VPS13A: variants seen among roughly 807,000 people sequenced by gnomAD.
The protein encoded by VPS13A is vacuolar protein sorting 13 homolog A.
A neutral mutation model predicts 390.9 loss-of-function variants in VPS13A; 264 were observed. The ratio of observed to expected loss-of-function variants is 0.68; its 90% CI spans 0.61 to 0.75. The LOEUF is 0.75. VPS13A is among the 30% of genes least tolerant of loss of function. The probability of loss-of-function intolerance (pLI) is 0.00; values close to 1 mark genes in which losing one functional copy is unlikely to be tolerated. For synonymous variants in VPS13A, 1,231 were observed against 1,227.1 expected (o/e 1.00, Z -0.07); for missense variants, 3,409 against 3,733.9 (o/e 0.91, Z 2.27).
At chr9:77,232,725 A>G (rs1823906441) in intron 17 of VPS13A, among the ~76,000 whole-genome samples, 1 of 152,158 alleles carries the variant, frequency 6.6e-6, no homozygotes, top group Non-Finnish European at 1.5e-5. Context: ...TTATAAAACC[A>G]TCAGACCTCA....
chr9:77,388,644 A>G (rs965907544), intron 68 of VPS13A, among the ~76,000 whole-genome samples: 14 of 152,286 alleles, frequency 9.2e-5, no homozygotes, highest in African/African-American at 3.1e-4. Flanking sequence ...GTATTATGCT[A>G]TTCTTCTGGA....
intron 19 of VPS13A, among the ~76,000 whole-genome samples, chr9:77,244,589 C>G (rs1339465098): frequency 6.6e-6 from 1 of 152,130 alleles, no homozygotes; most frequent in Admixed American, 6.5e-5. Context: ...GAGAAAGGCA[C>G]AGTGTTACAG....
chr9:77,341,575 C>T (rs535660169), intron 50 of VPS13A, among the ~76,000 whole-genome samples: 84 of 151,862 alleles, frequency 5.5e-4, no homozygotes, highest in African/African-American at 1.9e-3. Context: ...CCATCTAAGC[C>T]GTTAAATCAG....
Position 77,214,310 on chromosome 9 carries a change from G to A in VPS13A, c.697-19G>A, listed in dbSNP as rs763821247. ...CATATTGGCATGAATATAAATAAAA[G>A]CAATTTGTCTTTTAATAGGACGACT... On this transcript the variant is annotated intron_variant, in intron 9 of 71. Coordinates refer to ENST00000360280, the MANE Select transcript of VPS13A (RefSeq NM_033305.3). The A allele has an allele frequency of 6.2e-7, 1 of 1,606,696 alleles. No individual in the cohort carries two copies.
At chr9:77,379,875 A>T (rs1310350350) in intron 67 of VPS13A, among the ~76,000 whole-genome samples, 3 of 152,128 alleles carry the variant, frequency 2.0e-5, no homozygotes, top group Non-Finnish European at 4.4e-5. Flanking sequence ...AGTGGATTAT[A>T]GTGTTATTCA....
At chr9:77,280,107 A>G in intron 26 of VPS13A, 52 bp from the exon 27 acceptor site, 1 of 1,384,650 alleles carries the variant, frequency 7.2e-7, no homozygotes, top group Non-Finnish European at 1.0e-6. Context: ...GCTTGCATTT[A>G]TTTTCAGTTA....
At chr9:77,317,889 A>G (rs949856655) in intron 40 of VPS13A, among the ~76,000 whole-genome samples, 191 bp downstream of exon 40, 1 of 151,924 alleles carries the variant, frequency 6.6e-6, no homozygotes, top group African/African-American at 2.4e-5. Context: ...TCTATATTTT[A>G]TTATTTACAT....
chr9:77,251,476 T>C (rs960532597), intron 21 of VPS13A, among the ~76,000 whole-genome samples: 1 of 152,188 alleles, frequency 6.6e-6, no homozygotes, highest in Non-Finnish European at 1.5e-5. Context: ...ACACTATTGA[T>C]ATTTTGTTGC....
intron 68 of VPS13A, among the ~76,000 whole-genome samples, chr9:77,402,038 T>C (rs1475736311): frequency 6.6e-6 from 1 of 152,196 alleles, no homozygotes; most frequent in Non-Finnish European, 1.5e-5. Context: ...CATATCCCCC[T>C]GCAGATAAGG....
chr9:77,206,370 G>T (rs1825644143), intron 5 of VPS13A, among the ~76,000 whole-genome samples: 2 of 149,506 alleles, frequency 1.3e-5, no homozygotes, highest in Admixed American at 6.7e-5. Flanking sequence ...TACATACTAG[G>T]TAAGGTCAGT....
chr9:77,296,279 G>A (rs1338259257), intron 33 of VPS13A, among the ~76,000 whole-genome samples: 6 of 152,224 alleles, frequency 3.9e-5, no homozygotes, highest in Admixed American at 3.3e-4. Flanking sequence ...AACCTTATTC[G>A]TTAACCTGTA....
intron 52 of VPS13A, among the ~76,000 whole-genome samples, chr9:77,349,647 GTTTA>G (rs1441689180): frequency 6.6e-6 from 1 of 151,550 alleles, no homozygotes; most frequent in Non-Finnish European, 1.5e-5. Flanking sequence ...TTTTGTTGTT[GTTTA>G]TTTGTTTTTT....
rs1825881585 is a variant in VPS13A, at chr9:77,263,718, T to C, written c.2427+3494T>C. ...GTTGCCTGCTCACTCTGATGATAAT[T>C]TCTTTTGCTGTGCAGAAGCTCATTA... On this transcript the variant is annotated intron_variant, in intron 23 of 71. Transcript: ENST00000360280. Among the ~76,000 whole-genome samples, 6 of 152,232 alleles carry C rather than the reference T, an allele frequency of 3.9e-5. No homozygotes were observed. In the South Asian group the frequency reaches 1.2e-3, roughly 31 times the overall value.
intron 45 of VPS13A, among the ~76,000 whole-genome samples, chr9:77,324,160 G>A (rs958721443): frequency 2.0e-5 from 3 of 152,054 alleles, no homozygotes; most frequent in African/African-American, 7.2e-5. Flanking sequence ...ACCTCTACTT[G>A]CAGATTTAAC....
rs1408247475 is a variant in VPS13A, at chr9:77,383,165, A to G, written c.9189+1078A>G. Among the ~76,000 whole-genome samples the G allele has an allele frequency of 5.9e-5, 9 of 152,182 alleles. No individual in the cohort carries two copies. The South Asian group carries it at 1.4e-3, about 25-fold the overall frequency. On this transcript the variant is annotated intron_variant, in intron 68 of 71. Transcript: ENST00000360280. Reference sequence around the variant, plus strand: ...TTCAGTATTTTACCTATTGCAGGGCATATAGTATTGCATAAAATATACTTC... The same window carrying G: ...TTCAGTATTTTACCTATTGCAGGGCGTATAGTATTGCATAAAATATACTTC...
At chr9:77,267,842 C>T (rs1478908196) in intron 23 of VPS13A, among the ~76,000 whole-genome samples, 1 of 152,226 alleles carries the variant, frequency 6.6e-6, no homozygotes, top group Non-Finnish European at 1.5e-5. Context: ...GGGCTGCTAC[C>T]TTTCTTTCAG....
intron 68 of VPS13A, among the ~76,000 whole-genome samples, chr9:77,400,019 T>G (rs1234691586): frequency 1.3e-5 from 2 of 152,206 alleles, no homozygotes; most frequent in East Asian, 3.8e-4. Flanking sequence ...ATGAATTTAT[T>G]TAACCAGTAC....
chr9:77,234,169 A>G (rs1034274147), intron 17 of VPS13A, among the ~76,000 whole-genome samples: 2 of 152,118 alleles, frequency 1.3e-5, no homozygotes. Context: ...AAGATATTTA[A>G]GTTAATTAAT....
chr9:77,281,121 A>G (rs768262069), intron 27 of VPS13A, among the ~76,000 whole-genome samples: 2 of 144,154 alleles, frequency 1.4e-5, no homozygotes, highest in African/African-American at 5.0e-5. Flanking sequence ...TGGTTACCAG[A>G]GGGTAGCAGG....
Sources: allele counts gnomAD v4.1 joint callset (sites outside exome capture counted in the v4.1 genomes callset), GRCh38; gene constraint gnomAD v4.1.1; transcripts MANE v1.5; gene names NCBI Gene and HGNC (gene_info 2026-07-23, HGNC 2026-07-21).